Variants in RP1 observed in about 807,000 individuals in gnomAD.
RP1 encodes oxygen-regulated protein 1.
A neutral mutation model predicts 14.8 loss-of-function variants in RP1; 16 were observed. That is an observed-to-expected ratio of 1.08 (90% confidence interval 0.73 to 1.65). RP1 has a LOEUF of 1.65. Ranked by LOEUF, RP1 falls within the 40% of genes most tolerant of loss-of-function variation. RP1 has a pLI of 0.00. For missense variants in RP1, 2,631 were observed against 2,535.0 expected (o/e 1.04, Z -0.81); for synonymous variants, 876 against 883.6 (o/e 0.99, Z 0.15).
chr8:54,702,474 C>A (rs1374328317), intron 14 of RP1, among the ~76,000 whole-genome samples: 1 of 152,090 alleles, frequency 6.6e-6, no homozygotes, highest in Admixed American at 6.6e-5. Context: ...AATGTACATA[C>A]CTTAATTTAA....
At chr8:54,792,559 TG>T (rs1326014561) in intron 24 of RP1, among the ~76,000 whole-genome samples, 1 of 151,904 alleles carries the variant, frequency 6.6e-6, no homozygotes, top group African/African-American at 2.4e-5. Context: ...GGAAAAAAAT[TG>T]GAAGATTTAC....
intron 16 of RP1, among the ~76,000 whole-genome samples, chr8:54,725,416 ATATCT>A (rs1481847198): frequency 6.6e-6 from 1 of 152,208 alleles, no homozygotes; most frequent in Admixed American, 6.6e-5. Flanking sequence ...GTCTGAAATG[ATATCT>A]TATAACACCT....
chr8:54,571,518 T>G (rs919209231), intron 1 of RP1, among the ~76,000 whole-genome samples: 7 of 152,150 alleles, frequency 4.6e-5, no homozygotes, highest in African/African-American at 1.7e-4. Flanking sequence ...TGCACCCCAG[T>G]CCTGTATGGC....
At chr8:54,684,169 A>G (rs1807500233) in intron 12 of RP1, among the ~76,000 whole-genome samples, 2 of 151,948 alleles carry the variant, frequency 1.3e-5, no homozygotes, top group African/African-American at 4.8e-5. Flanking sequence ...CGCCAACTTG[A>G]TCGTGATGGA....
intron 12 of RP1, among the ~76,000 whole-genome samples, chr8:54,698,659 C>T (rs1451399672): frequency 6.6e-6 from 1 of 152,064 alleles, no homozygotes; most frequent in Non-Finnish European, 1.5e-5. Flanking sequence ...CAATGATAGA[C>T]TGGATAAAGA....
At chr8:54,819,273 C>T (rs551814238) in intron 24 of RP1, among the ~76,000 whole-genome samples, 1 of 151,998 alleles carries the variant, frequency 6.6e-6, no homozygotes, top group South Asian at 2.1e-4. Flanking sequence ...CAGTATGCCA[C>T]TTGCATTTTT....
chr8:54,570,446 A>T (rs1345333697), intron 1 of RP1, among the ~76,000 whole-genome samples: 3 of 151,164 alleles, frequency 2.0e-5, no homozygotes, highest in African/African-American at 7.3e-5. Context: ...CACCAGCCTC[A>T]GCCTCCTGAG....
At chr8:54,690,924 G>A (rs1315703573) in intron 12 of RP1, among the ~76,000 whole-genome samples, 4 of 151,960 alleles carry the variant, frequency 2.6e-5, no homozygotes, top group Non-Finnish European at 5.9e-5. Flanking sequence ...CATGTTAAAA[G>A]CAGTCTGCTA....
intron 14 of RP1, chr8:54,706,386 C>T: frequency 6.6e-7 from 1 of 1,507,352 alleles, no homozygotes; most frequent in East Asian, 2.5e-5. Context: ...TTGTCTCCCT[C>T]TAGCAAAACA....
At chr8:54,826,058 G>C (rs571070355) in intron 24 of RP1, among the ~76,000 whole-genome samples, 62 of 152,148 alleles carry the variant, frequency 4.1e-4, no homozygotes, top group Non-Finnish European at 7.2e-4. Context: ...GACAGAGTGA[G>C]CCTGACTCAA....
intron 24 of RP1, among the ~76,000 whole-genome samples, chr8:54,800,819 A>G (rs573178560): frequency 3.9e-5 from 6 of 152,208 alleles, no homozygotes; most frequent in East Asian, 1.9e-4. Flanking sequence ...TTCTTGTATG[A>G]TAGTTTTAAC....
At chr8:54,736,575 G>T (rs147823621) in intron 18 of RP1, among the ~76,000 whole-genome samples, 27 of 152,252 alleles carry the variant, frequency 1.8e-4, no homozygotes, top group African/African-American at 6.3e-4. Context: ...CAGATTACAG[G>T]CACCAAGGAC....
chr8:54,672,214 A>C (rs1035779780), intron 7 of RP1, among the ~76,000 whole-genome samples: 1 of 152,124 alleles, frequency 6.6e-6, no homozygotes, highest in African/African-American at 2.4e-5. Context: ...CTTCCAAACT[A>C]TCTGCCATTT....
At chr8:54,620,825 GAATA>G in intron 1 of RP1, 126 bp from the exon 2 acceptor site, 1 of 909,216 alleles carries the variant, frequency 1.1e-6, no homozygotes, top group Non-Finnish European at 1.8e-6. Flanking sequence ...TATAATGAAT[GAATA>G]AATGAATGAA....
At position 54,626,817 on chromosome 8, in the gene RP1, G is replaced by T. The variant is rs764303340; in HGVS notation, c.2935G>T (p.Ala979Ser). 1.2e-6 allele frequency: 2 copies of T among 1,613,752 alleles called. No homozygotes were observed. The highest frequency in any genetic ancestry group is 8.5e-7 in the Non-Finnish European group (1 of 1,179,944). Reference sequence around the variant, plus strand: ...AAGTAATAAGCACATAACTAAAATTGCCGGTTTGACAGGAGATAATCTATG... The same window carrying T: ...AAGTAATAAGCACATAACTAAAATTTCCGGTTTGACAGGAGATAATCTATG... The part of the protein sequence containing the change: ...MESNKHITKI[A>S]GLTGDNLCKE... The change falls in exon 4 of 4, where the codon GCC becomes TCC. Residue 979 changes from alanine to serine, a missense_variant. Transcript: ENST00000220676.
chr8:54,690,236 A>G (rs924304713), intron 12 of RP1, among the ~76,000 whole-genome samples: 7 of 152,048 alleles, frequency 4.6e-5, no homozygotes, highest in Non-Finnish European at 1.0e-4. Context: ...TAGTTAATCA[A>G]CATAATTTTA....
At chr8:54,813,498 T>C (rs1035108680) in intron 24 of RP1, among the ~76,000 whole-genome samples, 2 of 152,226 alleles carry the variant, frequency 1.3e-5, no homozygotes, top group African/African-American at 4.8e-5. Context: ...GCTGGCCTAC[T>C]GAAACTTACA....
At chr8:54,763,836 G>A (rs774785532) in intron 22 of RP1, among the ~76,000 whole-genome samples, 14 of 152,282 alleles carry the variant, frequency 9.2e-5, no homozygotes, top group East Asian at 5.8e-4. Context: ...GCTCCACAGC[G>A]TTCCTTAGAG....
chr8:54,672,717 T>C (rs1807205241), intron 7 of RP1, among the ~76,000 whole-genome samples: 1 of 152,222 alleles, frequency 6.6e-6, no homozygotes, highest in African/African-American at 2.4e-5. Flanking sequence ...TTATTTCTAA[T>C]GTTAATATGC....
Sources: allele counts gnomAD v4.1 joint callset (sites outside exome capture counted in the v4.1 genomes callset), GRCh38; gene constraint gnomAD v4.1.1; transcripts MANE v1.5; gene names NCBI Gene and HGNC (gene_info 2026-07-23, HGNC 2026-07-21).